MYZAP: variants seen among roughly 807,000 people sequenced by gnomAD.
MYZAP encodes the protein myocardial zonula adherens protein.
MYZAP carries 66 observed loss-of-function variants against 69.4 expected under a neutral mutation model. The observed-to-expected ratio is 0.95, with a 90% CI of 0.78 to 1.17. The LOEUF (loss-of-function observed/expected upper bound fraction) is 1.17. Among genes scored for constraint, MYZAP ranks in the 50% most tolerant of loss-of-function variants. The probability of loss-of-function intolerance (pLI) is 0.00; values close to 1 mark genes in which losing one functional copy is unlikely to be tolerated. For missense variants in MYZAP, 611 were observed against 556.2 expected, an observed-to-expected ratio of 1.10 and a Z score of -0.99; for synonymous variants, 256 against 205.9, an observed-to-expected ratio of 1.24 and a Z score of -2.09.
At chr15:57,652,063 C>G (rs1400698841) in intron 10 of MYZAP, among the ~76,000 whole-genome samples, 2 of 152,008 alleles carry the variant, frequency 1.3e-5, no homozygotes, top group African/African-American at 4.8e-5. Flanking sequence ...AAATATGTGC[C>G]ATGTTCATAT....
chr15:57,654,300 C>T (rs1442379992), intron 10 of MYZAP, among the ~76,000 whole-genome samples: 4 of 152,030 alleles, frequency 2.6e-5, no homozygotes, highest in Admixed American at 6.6e-5. Flanking sequence ...TCCTTTGTTT[C>T]AGCGGGAAAC....
At chr15:57,613,414 A>G (rs2035237342) in intron 2 of MYZAP, among the ~76,000 whole-genome samples, 1 of 152,088 alleles carries the variant, frequency 6.6e-6, no homozygotes, top group Non-Finnish European at 1.5e-5. Flanking sequence ...TCTGTCGCCC[A>G]GGCTGGAGTA....
intron 6 of MYZAP, 44 bp from the exon 7 acceptor site, chr15:57,632,390 T>G (rs749513671): frequency 1.9e-6 from 3 of 1,612,882 alleles, no homozygotes; most frequent in East Asian, 2.2e-5. Context: ...CCAATTCCTC[T>G]GGGCCCTGCA....
At chr15:57,656,544 T>G (rs1273447577) in intron 10 of MYZAP, among the ~76,000 whole-genome samples, 1 of 152,210 alleles carries the variant, frequency 6.6e-6, no homozygotes, top group East Asian at 1.9e-4. Context: ...GAGAGTCAGA[T>G]GTTCCTAGGA....
At chr15:57,642,413 A>G (rs1215526992) in intron 10 of MYZAP, among the ~76,000 whole-genome samples, 1 of 152,236 alleles carries the variant, frequency 6.6e-6, no homozygotes, top group Non-Finnish European at 1.5e-5. Flanking sequence ...CACTTGTGAA[A>G]TGAATCTTGA....
rs72743533 is a variant in MYZAP, at chr15:57,623,945, A to G, written c.412-1834A>G. ...TAGAACAGGAAGAGAAGATAAACAT[A>G]TCAGGATTGTTCTGTGTGTGCACAA... On this transcript the variant is annotated intron_variant, in intron 4 of 12. Transcript: ENST00000267853. Among the ~76,000 whole-genome samples the G allele has an allele frequency of 2.6e-3, 396 of 152,360 alleles. 1 individual carries two copies. The highest frequency in any genetic ancestry group is 5.0e-3 in the Non-Finnish European group (341 of 68,028).
chr15:57,672,386 A>AAGC (rs1160079895), intron 11 of MYZAP, among the ~76,000 whole-genome samples: 6 of 152,218 alleles, frequency 3.9e-5, no homozygotes, highest in African/African-American at 1.4e-4. Context: ...CACATGCTTC[A>AAGC]AGTTTCACCT....
intron 10 of MYZAP, chr15:57,646,058 AT>A: frequency 2.3e-6 from 2 of 859,394 alleles, no homozygotes; most frequent in South Asian, 2.8e-5. Context: ...ATAATTGGTA[AT>A]TAGCCAAATG....
At chr15:57,647,865 C>G in intron 10 of MYZAP, 2 of 985,390 alleles carry the variant, frequency 2.0e-6, no homozygotes, top group Non-Finnish European at 2.4e-6. Flanking sequence ...TCTTTCCTGC[C>G]TGTACTGTGA....
intron 12 of MYZAP, among the ~76,000 whole-genome samples, chr15:57,681,431 A>G (rs1161141829): frequency 6.6e-6 from 1 of 152,174 alleles, no homozygotes; most frequent in Admixed American, 6.5e-5. Context: ...TGTGGCTTTC[A>G]CCCTTAAAGA....
chr15:57,677,907 C>T (rs536106746), intron 12 of MYZAP, among the ~76,000 whole-genome samples: 1 of 152,096 alleles, frequency 6.6e-6, no homozygotes, highest in Non-Finnish European at 1.5e-5. Context: ...AAAATGTGTA[C>T]ATAAAGCATT....
chr15:57,655,019 G>T (rs574250443), intron 10 of MYZAP, among the ~76,000 whole-genome samples: 1 of 152,266 alleles, frequency 6.6e-6, no homozygotes, highest in South Asian at 2.1e-4. Flanking sequence ...TGTTCCCTGT[G>T]GGTTTGGGGT....
rs760439923 is a variant in MYZAP, at chr15:57,639,549, A to C, written c.1119+4A>C. The C allele has an allele frequency of 6.2e-7, 1 of 1,613,022 alleles. No individual in the cohort carries two copies. The highest frequency in any genetic ancestry group is 8.5e-7 in the Non-Finnish European group (1 of 1,179,630). ...AGTCAAGCAGATGGTCGAGGAGGTA[A>C]GCATCTGCAAAAGGTCACAGGCCTG... On this transcript the variant is annotated splice_donor_region_variant and intron_variant, in intron 10 of 12. Transcript: ENST00000267853.
chr15:57,621,280 G>T (rs1344696290), intron 3 of MYZAP, among the ~76,000 whole-genome samples: 4 of 144,180 alleles, frequency 2.8e-5, no homozygotes, highest in African/African-American at 7.8e-5. Flanking sequence ...GCATGATCTC[G>T]GCTCACTGCA....
chr15:57,655,792 C>A (rs1349807457), intron 10 of MYZAP, among the ~76,000 whole-genome samples: 1 of 152,148 alleles, frequency 6.6e-6, no homozygotes, highest in African/African-American at 2.4e-5. Flanking sequence ...AGAAAAAATT[C>A]TATTAACATC....
At position 57,607,245 on chromosome 15, in the gene MYZAP, T is replaced by A. The variant is rs891639405; in HGVS notation, c.162+2890T>A. Among the ~76,000 whole-genome samples the A allele has an allele frequency of 6.6e-5, 10 of 152,230 alleles. No homozygotes were observed. The South Asian group carries it at 1.5e-3, about 22-fold the overall frequency. On this transcript the variant is annotated intron_variant, in intron 2 of 12. Coordinates refer to ENST00000267853, the MANE Select transcript of MYZAP (RefSeq NM_001018100.5). ...TGGAGTTAGACCCAAGCTTCATGCCTTGGGAGATGTTCGTGAAAGGTTTCT... is the reference window on the plus strand; with the variant it reads ...TGGAGTTAGACCCAAGCTTCATGCCATGGGAGATGTTCGTGAAAGGTTTCT...
At chr15:57,599,366 T>TTTGCCA in intron 1 of MYZAP, 1 of 846,284 alleles carries the variant, frequency 1.2e-6, no homozygotes, top group Non-Finnish European at 1.5e-6. Context: ...TTTTTTTTTT[T>TTTGCCA]TGCCATCGTC....
chr15:57,661,130 C>T (rs1237321071), intron 10 of MYZAP, among the ~76,000 whole-genome samples: 1 of 152,152 alleles, frequency 6.6e-6, no homozygotes, highest in African/African-American at 2.4e-5. Flanking sequence ...TAAAGGGTTA[C>T]ACAGCAAAAT....
intron 12 of MYZAP, among the ~76,000 whole-genome samples, chr15:57,676,262 A>G (rs2039106973): frequency 6.6e-6 from 1 of 151,980 alleles, no homozygotes; most frequent in South Asian, 2.1e-4. Flanking sequence ...AATTAAAATG[A>G]ATCACTTGCC....
Sources: gnomAD v4.1 joint callset for allele counts (sites outside exome capture counted in the v4.1 genomes callset) on GRCh38, gnomAD v4.1.1 for gene constraint, MANE v1.5 for transcripts, NCBI Gene and HGNC (gene_info 2026-07-23, HGNC 2026-07-21) for gene names.